Variants in TXLNB observed in about 807,000 individuals in gnomAD.
TXLNB encodes the protein taxilin beta, also known as beta-taxilin.
In TXLNB, 37 loss-of-function variants were observed where a neutral mutation model predicts 57.4. The observed-to-expected ratio is 0.64, with a 90% CI of 0.50 to 0.85. The LOEUF is 0.85. Among genes scored for constraint, TXLNB ranks in the 40% least tolerant of loss-of-function variants. The pLI is 0.00. For synonymous variants in TXLNB, 302 were observed against 309.6 expected (o/e 0.98, Z 0.26); for missense variants, 848 against 825.6 (o/e 1.03, Z -0.33).
At chr6:139,278,997 T>TA (rs1329915868) in intron 2 of TXLNB, among the ~76,000 whole-genome samples, 4 of 152,012 alleles carry the variant, frequency 2.6e-5, no homozygotes, top group South Asian at 4.1e-4. Context: ...AACGAACAAA[T>TA]AAAAAAATCA....
At chr6:139,308,319 T>G in the TXLNB span, among the ~76,000 whole-genome samples, 1 of 152,042 alleles carries the variant, frequency 6.6e-6, no homozygotes, top group Non-Finnish European at 1.5e-5. Flanking sequence ...TTGCAAAAAA[T>G]TAATGAAGAC....
At chr6:139,230,714 T>G in the TXLNB span, among the ~76,000 whole-genome samples, 13 of 152,210 alleles carry the variant, frequency 8.5e-5, no homozygotes, top group Admixed American at 7.9e-4. Context: ...AATTATTTCA[T>G]GAATAGCTGA....
At chr6:139,258,769 A>G (rs1027375785) in intron 6 of TXLNB, among the ~76,000 whole-genome samples, 2 of 152,106 alleles carry the variant, frequency 1.3e-5, no homozygotes, top group African/African-American at 4.8e-5. Context: ...TACCTCTGAA[A>G]CACACGTCTG....
intron 5 of TXLNB, among the ~76,000 whole-genome samples, chr6:139,262,153 G>C (rs955686529): frequency 1.3e-5 from 2 of 151,964 alleles, no homozygotes. Context: ...TAATCCACCT[G>C]CCTTGGCCTC....
the TXLNB span, among the ~76,000 whole-genome samples, chr6:139,191,383 C>T: frequency 6.6e-6 from 1 of 152,134 alleles, no homozygotes; most frequent in Non-Finnish European, 1.5e-5. Flanking sequence ...TGCACCATTG[C>T]ACTCCAGCCT....
chr6:139,220,728 C>A, the TXLNB span, among the ~76,000 whole-genome samples: 260 of 152,224 alleles, frequency 1.7e-3, 7 homozygotes, highest in South Asian at 0.043. Context: ...CAGTTTCAAC[C>A]GTGGTTGACC....
At chr6:139,202,610 T>C in the TXLNB span, among the ~76,000 whole-genome samples, 5 of 152,202 alleles carry the variant, frequency 3.3e-5, no homozygotes, top group South Asian at 2.1e-4. Context: ...ATTTATAAAG[T>C]ACAGTGTGAT....
the TXLNB span, among the ~76,000 whole-genome samples, chr6:139,203,256 G>T: frequency 6.6e-6 from 1 of 151,992 alleles, no homozygotes; most frequent in African/African-American, 2.4e-5. Context: ...AATCTTAAAA[G>T]TTCTTCCCTG....
At chr6:139,265,837 A>T (rs1776601713) in intron 4 of TXLNB, among the ~76,000 whole-genome samples, 1 of 152,224 alleles carries the variant, frequency 6.6e-6, no homozygotes, top group African/African-American at 2.4e-5. Context: ...ATTCTCATAT[A>T]AAACATACCA....
At chr6:139,321,542 C>CA in the TXLNB span, among the ~76,000 whole-genome samples, 1 of 131,448 alleles carries the variant, frequency 7.6e-6, no homozygotes. Flanking sequence ...CTGAGCTCTC[C>CA]TTTTTTTTTT....
the TXLNB span, among the ~76,000 whole-genome samples, chr6:139,211,055 C>T: frequency 6.6e-6 from 1 of 152,336 alleles, no homozygotes; most frequent in South Asian, 2.1e-4. Context: ...CCTCTGGGGG[C>T]AGGGCACAGA....
chr6:139,247,912 G>A lies in TXLNB; in HGVS notation c.1078-3C>T. ...AACCTTCCTGAGTAGAGAGTGAGCT[G>A]TAAACAGAGGAAAGAGTGGATCTTT... On this transcript the variant is annotated splice_region_variant and splice_polypyrimidine_tract_variant and intron_variant, in intron 7 of 9. Coordinates refer to ENST00000358430, the MANE Select transcript of TXLNB (RefSeq NM_153235.4). The A allele has an allele frequency of 1.3e-6, 2 of 1,571,698 alleles. No homozygotes were observed. Among genetic ancestry groups the A allele is most frequent in the Non-Finnish European group, 1.7e-6 (2 of 1,151,444 alleles).
the TXLNB span, among the ~76,000 whole-genome samples, chr6:139,176,475 C>T: frequency 6.6e-6 from 1 of 152,112 alleles, no homozygotes; most frequent in African/African-American, 2.4e-5. This position sits in a 1 kb window ranked among gnomAD's most constrained non-coding sequence, Gnocchi z 4.5. Context: ...GCTGGGAACT[C>T]CAGAAGCCTC....
chr6:139,163,045 G>A, the TXLNB span, among the ~76,000 whole-genome samples: 24 of 152,236 alleles, frequency 1.6e-4, no homozygotes, highest in African/African-American at 5.1e-4. Flanking sequence ...CATCATTCCC[G>A]CTGGAGCTGT....
the TXLNB span, among the ~76,000 whole-genome samples, chr6:139,204,589 G>C: frequency 6.6e-6 from 1 of 152,152 alleles, no homozygotes; most frequent in African/African-American, 2.4e-5. Context: ...TCAGAATCTG[G>C]GGGGCAAGTG....
chr6:139,312,654 C>T, the TXLNB span, among the ~76,000 whole-genome samples: 1 of 145,794 alleles, frequency 6.9e-6, no homozygotes, highest in Admixed American at 6.9e-5. Flanking sequence ...TTGTAGGAGA[C>T]TTGAATATGA....
At chr6:139,257,997 G>A (rs886096283) in intron 6 of TXLNB, among the ~76,000 whole-genome samples, 2 of 152,106 alleles carry the variant, frequency 1.3e-5, no homozygotes, top group Non-Finnish European at 2.9e-5. Flanking sequence ...TGTCCCCTCT[G>A]GCCATCTGAG....
At chr6:139,208,126 C>A in the TXLNB span, among the ~76,000 whole-genome samples, 2 of 151,942 alleles carry the variant, frequency 1.3e-5, no homozygotes, top group Non-Finnish European at 2.9e-5. Context: ...ACAGCCAATA[C>A]CACAGAAATA....
chr6:139,176,124 A>G, the TXLNB span, among the ~76,000 whole-genome samples: 1 of 152,216 alleles, frequency 6.6e-6, no homozygotes, highest in African/African-American at 2.4e-5. This position sits in a 1 kb window ranked among gnomAD's most constrained non-coding sequence, Gnocchi z 4.5. Flanking sequence ...AAGAGTGTTT[A>G]TCTCAGGTTA....
Sources: allele counts gnomAD v4.1 joint callset (sites outside exome capture counted in the v4.1 genomes callset), GRCh38; gene constraint gnomAD v4.1.1; non-coding constraint Gnocchi (gnomAD v3.1); transcripts MANE v1.5; gene names NCBI Gene and HGNC (gene_info 2026-07-23, HGNC 2026-07-21).